Variants in POLDIP3 observed in about 807,000 individuals in gnomAD.
POLDIP3 encodes DNA polymerase delta interacting protein 3.
Under a neutral mutation model 45.1 loss-of-function variants are expected in POLDIP3, and 14 were observed. The observed-to-expected ratio is 0.31, with a 90% CI of 0.20 to 0.49. The LOEUF (loss-of-function observed/expected upper bound fraction) is 0.49. Among genes scored for constraint, POLDIP3 ranks in the 20% least tolerant of loss-of-function variants. The pLI, the probability that POLDIP3 is intolerant of heterozygous loss-of-function variation, is 0.99. For synonymous variants in POLDIP3, 223 were observed against 205.2 expected (o/e 1.09, Z -0.74); for missense variants, 511 against 538.8 (o/e 0.95, Z 0.51).
At chr22:42,614,641 C>G (rs1432285376) in intron 1 of POLDIP3, among the ~76,000 whole-genome samples, 158 bp downstream of exon 1, 1 of 152,128 alleles carries the variant, frequency 6.6e-6, no homozygotes, top group Non-Finnish European at 1.5e-5. Context: ...CGGTCGGGGC[C>G]ACGGCGGGGA....
Position 42,602,981 on chromosome 22 carries a change from T to C in POLDIP3, c.239A>G (p.Gln80Arg). The C allele has an allele frequency of 1.2e-6, 2 of 1,614,054 alleles. No homozygotes were observed. Among genetic ancestry groups the C allele is most frequent in the Non-Finnish European group, 1.7e-6 (2 of 1,180,014 alleles). ...TTTGATTCGAAATCGGGCATCTTTCTGCAAAAGCTTCTCCCGGGCATCCTT... is the reference window on the plus strand; with the variant it reads ...TTTGATTCGAAATCGGGCATCTTTCCGCAAAAGCTTCTCCCGGGCATCCTT... ...GVKDAREKLL[Q>R]KDARFRIKGK... The change falls in exon 2 of 9, where the codon CAG becomes CGG. Residue 80 changes from glutamine (Q) to arginine (R), a missense_variant. Gln to Arg is a conservative substitution (Grantham distance 43, BLOSUM62 1). Around this residue, in one of 4 missense-constraint regions of POLDIP3, gnomAD observed 378 missense variants for 352.3 expected, o/e 1.07. Coordinates refer to ENST00000252115, the MANE Select transcript of POLDIP3 (RefSeq NM_032311.5).
chr22:42,589,539 G>A (rs1165683411), intron 7 of POLDIP3, among the ~76,000 whole-genome samples: 2 of 152,136 alleles, frequency 1.3e-5, no homozygotes, highest in Non-Finnish European at 2.9e-5. Context: ...GCCGGGTGCA[G>A]TGGCTCACAC....
chr22:42,598,249 AT>A lies in POLDIP3; in HGVS notation c.633+1448del, dbSNP rs34265457. 5.1e-3 allele frequency among the ~76,000 whole-genome samples: 464 copies of A among 90,836 alleles called. 1 individual carries two copies. Among genetic ancestry groups the A allele is most frequent in the African/African-American group, 0.015 (319 of 21,844 alleles). 59.6% of individuals were successfully genotyped at this position (90,836 alleles called of 152,430 possible). ...AGGTGCCCGCCACCACACCCCGGAT[AT>A]TTTTTTTTTTTTTTTTTTTGAGACA... is the stretch of plus-strand genomic sequence containing the variant. On this transcript the variant is annotated intron_variant, in intron 4 of 8. Transcript: ENST00000252115.
chr22:42,613,591 T>C (rs1927262729), intron 1 of POLDIP3, among the ~76,000 whole-genome samples: 1 of 152,052 alleles, frequency 6.6e-6, no homozygotes, highest in Non-Finnish European at 1.5e-5. Context: ...GAAACTTCCA[T>C]CTCTACTAAA....
intron 1 of POLDIP3, among the ~76,000 whole-genome samples, chr22:42,612,873 C>T (rs1217706644): frequency 4.6e-5 from 7 of 152,134 alleles, no homozygotes; most frequent in Non-Finnish European, 8.8e-5. Context: ...CCCGCTCAAC[C>T]AGGAATCACC....
chr22:42,592,999 G>A (rs1042073252), intron 6 of POLDIP3, among the ~76,000 whole-genome samples: 1 of 152,224 alleles, frequency 6.6e-6, no homozygotes, highest in Non-Finnish European at 1.5e-5. Context: ...TGCACCTGCA[G>A]GAGACTGGTT....
chr22:42,601,936 G>A, intron 3 of POLDIP3, 34 bp downstream of exon 3: 2 of 1,604,430 alleles, frequency 1.2e-6, no homozygotes, highest in Non-Finnish European at 1.7e-6. Context: ...TGTACACACA[G>A]ATTCTCTCTC....
rs1457961311 is a variant in POLDIP3, at chr22:42,601,423, C to CT, written c.537+546dup. On this transcript the variant is annotated intron_variant, in intron 3 of 8. Coordinates refer to ENST00000252115, the MANE Select transcript of POLDIP3 (RefSeq NM_032311.5). ...AAAAAATTAAAAAAAACAAACAAAACTTTTTTTAGCCTCTCTGCCCCCTAT... is the reference window on the plus strand; with the variant it reads ...AAAAAATTAAAAAAAACAAACAAAACTTTTTTTTAGCCTCTCTGCCCCCTAT... Among the ~76,000 whole-genome samples, 3 of 149,272 alleles carry CT rather than the reference C, an allele frequency of 2.0e-5. No homozygotes were observed. In the South Asian group the frequency reaches 6.4e-4, roughly 32 times the overall value.
chr22:42,599,548 G>A (rs1926214872), intron 4 of POLDIP3, 150 bp downstream of exon 4: 2 of 660,018 alleles, frequency 3.0e-6, no homozygotes, highest in Admixed American at 2.9e-5. Flanking sequence ...AGGTTGCAGT[G>A]AGCCAAGATT....
At chr22:42,590,506 G>C (rs1925596788) in intron 7 of POLDIP3, among the ~76,000 whole-genome samples, 1 of 151,826 alleles carries the variant, frequency 6.6e-6, no homozygotes. Flanking sequence ...ACTCTACTGA[G>C]TAGAGTAGGC....
At chr22:42,614,436 G>A (rs1473237043) in intron 1 of POLDIP3, among the ~76,000 whole-genome samples, 2 of 152,170 alleles carry the variant, frequency 1.3e-5, no homozygotes, top group Non-Finnish European at 2.9e-5. Flanking sequence ...ACCAGGCAGC[G>A]CCGAGATCAC....
At chr22:42,591,862 C>G (rs1925685327) in intron 7 of POLDIP3, 93 bp downstream of exon 7, 1 of 1,537,716 alleles carries the variant, frequency 6.5e-7, no homozygotes, top group Non-Finnish European at 8.9e-7. Flanking sequence ...TGGGTTCCAC[C>G]CATCTCACAG....
intron 1 of POLDIP3, among the ~76,000 whole-genome samples, chr22:42,610,708 G>T (rs1276423804): frequency 6.6e-6 from 1 of 152,156 alleles, no homozygotes; most frequent in Non-Finnish European, 1.5e-5. Context: ...TTCGAAACCA[G>T]CCTGGGCAAC....
At chr22:42,597,369 G>A (rs1926057809) in intron 4 of POLDIP3, among the ~76,000 whole-genome samples, 1 of 152,202 alleles carries the variant, frequency 6.6e-6, no homozygotes. Context: ...TCCAAGTCTG[G>A]GTGAAGCAGC....
chr22:42,590,200 T>C (rs996018096), intron 7 of POLDIP3, among the ~76,000 whole-genome samples: 3 of 152,156 alleles, frequency 2.0e-5, no homozygotes, highest in African/African-American at 7.2e-5. Context: ...TAAATGCACA[T>C]ACAGTCATGT....
At chr22:42,587,483 A>G in intron 8 of POLDIP3, 23 bp downstream of exon 8, 1 of 1,605,838 alleles carries the variant, frequency 6.2e-7, no homozygotes, top group Non-Finnish European at 8.5e-7. Context: ...GCCTCTCCCC[A>G]GCACCCCGCC....
intron 1 of POLDIP3, among the ~76,000 whole-genome samples, chr22:42,610,158 G>A (rs2146837395): frequency 6.6e-6 from 1 of 152,172 alleles, no homozygotes; most frequent in South Asian, 2.1e-4. Context: ...TGGGCAGCAA[G>A]AGCAAAACTC....
In POLDIP3 at chr22:42,614,812, C is replaced by T; in HGVS notation, c.46G>A (p.Ala16Thr). The change falls in exon 1 of 9, where the codon GCG becomes ACG. Residue 16 changes from alanine (A) to threonine (T), a missense_variant. Physicochemically the swap from Ala to Thr is moderately conservative, Grantham distance 58 (BLOSUM62 0). This residue lies in a region of POLDIP3 where 378 missense variants were observed against 352.3 expected (regional missense o/e 1.07). Coordinates refer to ENST00000252115, the MANE Select transcript of POLDIP3 (RefSeq NM_032311.5). ...LDELIRKRGA[A>T]AKGRLNARPG... ...AAGGCCTCTCACCGTCCTTTCGCCG[C>T]CGCCCCGCGCTTCCTGATGAGTTCG... 2 of 1,614,102 alleles carry T rather than the reference C, an allele frequency of 1.2e-6. No homozygotes were observed. Among genetic ancestry groups the T allele is most frequent in the Non-Finnish European group, 1.7e-6 (2 of 1,179,958 alleles).
intron 5 of POLDIP3, 84 bp from the exon 6 acceptor site, chr22:42,595,698 G>T: frequency 7.9e-7 from 1 of 1,263,926 alleles, no homozygotes; most frequent in Non-Finnish European, 1.1e-6. Context: ...CACGTGACTA[G>T]GAAGGCCCAG....
Sources: gnomAD v4.1 joint callset for allele counts (sites outside exome capture counted in the v4.1 genomes callset) on GRCh38, gnomAD v4.1.1 for gene constraint, gnomAD v4.1.1 regional missense constraint, MANE v1.5 for transcripts, NCBI Gene and HGNC (gene_info 2026-07-23, HGNC 2026-07-21) for gene names.